The following ADAMTS6 variants were observed in gnomAD, a reference collection of about 807,000 sequenced individuals.
The protein encoded by ADAMTS6 is A disintegrin and metalloproteinase with thrombospondin motifs 6.
A neutral mutation model predicts 144.3 loss-of-function variants in ADAMTS6; 23 were observed. That is an observed-to-expected ratio of 0.16 (90% confidence interval 0.11 to 0.23). The LOEUF (loss-of-function observed/expected upper bound fraction) is 0.23, where lower values mean the gene tolerates loss of function less well. Among genes scored for constraint, ADAMTS6 ranks in the 10% least tolerant of loss-of-function variants. The pLI, the probability that ADAMTS6 is intolerant of heterozygous loss-of-function variation, is 1.00. For missense variants in ADAMTS6, 999 were observed against 1,379.6 expected, an observed-to-expected ratio of 0.72 and a Z score of 4.37; for synonymous variants, 444 against 457.5, an observed-to-expected ratio of 0.97 and a Z score of 0.38.
intron 7 of ADAMTS6, among the ~76,000 whole-genome samples, chr5:65,351,130 C>T (rs991379822): frequency 4.6e-5 from 7 of 152,254 alleles, no homozygotes; most frequent in East Asian, 1.9e-4. Flanking sequence ...GCTTTGATGG[C>T]GCCATATTTC....
rs138143934 is a variant in ADAMTS6, at chr5:65,329,130, G to A, written c.1223+248C>T. 1.6e-4 allele frequency among the ~76,000 whole-genome samples: 24 copies of A among 152,178 alleles called. 2 individuals are homozygous for A. Among genetic ancestry groups the A allele is most frequent in the African/African-American group, 5.8e-4 (24 of 41,526 alleles). On this transcript the variant is annotated intron_variant, in intron 9 of 24. Transcript: ENST00000381055. Reference sequence around the variant, plus strand: ...TTTATAAGGAAACAGGTATTGAGGAGACTGAACAAAAACTTAAATGTGGTG... The same window carrying A: ...TTTATAAGGAAACAGGTATTGAGGAAACTGAACAAAAACTTAAATGTGGTG...
intron 7 of ADAMTS6, among the ~76,000 whole-genome samples, chr5:65,335,826 C>A (rs1486479736): frequency 1.3e-5 from 2 of 151,756 alleles, no homozygotes; most frequent in East Asian, 1.9e-4. Flanking sequence ...ATTGCCATAA[C>A]CTACTTAAAA....
At chr5:65,396,381 T>A (rs1222503243) in intron 7 of ADAMTS6, among the ~76,000 whole-genome samples, 1 of 152,196 alleles carries the variant, frequency 6.6e-6, no homozygotes, top group Non-Finnish European at 1.5e-5. Flanking sequence ...GGATTTCAAA[T>A]GTCTTGATTA....
intron 21 of ADAMTS6, among the ~76,000 whole-genome samples, chr5:65,192,992 C>T (rs1755108855): frequency 6.6e-6 from 1 of 151,802 alleles, no homozygotes; most frequent in Non-Finnish European, 1.5e-5. Context: ...TGAAAAAATA[C>T]TTTCTGATAA....
intron 10 of ADAMTS6, among the ~76,000 whole-genome samples, chr5:65,292,099 G>A (rs965834168): frequency 8.5e-4 from 129 of 152,114 alleles, no homozygotes; most frequent in African/African-American, 3.0e-3. Flanking sequence ...TCTCTTCTTT[G>A]TATAATTTCT....
intron 20 of ADAMTS6, among the ~76,000 whole-genome samples, chr5:65,203,113 A>C (rs1755847280): frequency 6.6e-6 from 1 of 152,202 alleles, no homozygotes; most frequent in Non-Finnish European, 1.5e-5. Flanking sequence ...CAAGTGCCTA[A>C]GTTTGTACCA....
intron 7 of ADAMTS6, among the ~76,000 whole-genome samples, chr5:65,418,140 A>G (rs1755695600): frequency 6.6e-6 from 1 of 152,162 alleles, no homozygotes; most frequent in African/African-American, 2.4e-5. Context: ...TATTCAATAA[A>G]TGGTGCTAGG....
At chr5:65,248,321 C>CAA (rs543399277) in intron 14 of ADAMTS6, among the ~76,000 whole-genome samples, 23 of 152,056 alleles carry the variant, frequency 1.5e-4, no homozygotes, top group African/African-American at 5.1e-4. Flanking sequence ...ACTTTTAAAG[C>CAA]AAAAGAAAAC....
chr5:65,214,672 G>C lies in ADAMTS6; in HGVS notation c.2575+122C>G. On this transcript the variant is annotated intron_variant, in intron 20 of 24. Coordinates refer to ENST00000381055, the MANE Select transcript of ADAMTS6 (RefSeq NM_197941.4). The surrounding 1 kb of genome is among the most constrained non-coding windows in gnomAD (Gnocchi z 4.6). ...GCAAAGTTTCTTTTGCTAAATTACA[G>C]CTTGAAGCAAACCTGCAAGAAATGT... The C allele has an allele frequency of 7.0e-7, 1 of 1,437,572 alleles. No individual in the cohort carries two copies. The allele number at this position is 1,437,572 out of a possible 1,614,324, so 89.1% of individuals were successfully genotyped here.
At position 65,215,207 on chromosome 5, in the gene ADAMTS6, T is replaced by C. The variant is rs1455296240; in HGVS notation, c.2436+117A>G. The C allele has an allele frequency of 4.7e-6, 6 of 1,265,532 alleles. 1 individual carries two copies. In the South Asian group the frequency reaches 5.9e-5, roughly 13 times the overall value. 78.4% of individuals were successfully genotyped at this position (1,265,532 alleles called of 1,614,324 possible). A position where few individuals can be genotyped will look rare whatever the true frequency, so the allele number is the denominator to read the frequency against. ...TCTAACACCCTTGGGTAAATCATTT[T>C]ATCTTTATTTACCTTAATTTCATCA... is the stretch of plus-strand genomic sequence containing the variant. On this transcript the variant is annotated intron_variant, in intron 19 of 24. Coordinates refer to ENST00000381055, the MANE Select transcript of ADAMTS6 (RefSeq NM_197941.4).
intron 18 of ADAMTS6, 86 bp from the exon 19 acceptor site, chr5:65,215,573 A>G: frequency 1.7e-6 from 2 of 1,148,636 alleles, no homozygotes; most frequent in Middle Eastern, 2.3e-4. Flanking sequence ...AAAGTATACA[A>G]TGAATACCGA....
At chr5:65,157,571 T>C (rs534593649) in intron 24 of ADAMTS6, among the ~76,000 whole-genome samples, 9 of 152,330 alleles carry the variant, frequency 5.9e-5, no homozygotes, top group South Asian at 4.1e-4. Flanking sequence ...AAACTCCTTA[T>C]GTGGTTCAGA....
chr5:65,344,745 CCT>C (rs1439875886), intron 7 of ADAMTS6, among the ~76,000 whole-genome samples: 4 of 151,762 alleles, frequency 2.6e-5, no homozygotes, highest in African/African-American at 9.7e-5. Context: ...TCCACTCTGT[CCT>C]CTCTTTTCAG....
chr5:65,316,613 A>G (rs1410973826), intron 9 of ADAMTS6, among the ~76,000 whole-genome samples: 1 of 152,210 alleles, frequency 6.6e-6, no homozygotes, highest in African/African-American at 2.4e-5. Context: ...TTAAATATAA[A>G]GATGTATGAA....
chr5:65,332,452 C>G (rs1179032656), intron 8 of ADAMTS6, among the ~76,000 whole-genome samples: 2 of 151,574 alleles, frequency 1.3e-5, no homozygotes, highest in Non-Finnish European at 2.9e-5. Context: ...GGTCTAGTGT[C>G]TATTATATCT....
At chr5:65,350,655 G>A (rs573018272) in intron 7 of ADAMTS6, among the ~76,000 whole-genome samples, 1 of 151,894 alleles carries the variant, frequency 6.6e-6, no homozygotes, top group Non-Finnish European at 1.5e-5. Context: ...TAACATTTTT[G>A]GGGGCGTGAG....
At chr5:65,191,145 C>T (rs923655663) in intron 21 of ADAMTS6, among the ~76,000 whole-genome samples, 3 of 152,038 alleles carry the variant, frequency 2.0e-5, no homozygotes, top group Non-Finnish European at 4.4e-5. Flanking sequence ...TTTCCCAATA[C>T]ACAAATTGTC....
At chr5:65,269,951 G>A (rs974990775) in intron 12 of ADAMTS6, among the ~76,000 whole-genome samples, 2 of 151,938 alleles carry the variant, frequency 1.3e-5, no homozygotes, top group African/African-American at 4.8e-5. Context: ...CTGCCACCAT[G>A]CCCGGCTAAT....
chr5:65,359,131 T>C (rs746727062), intron 7 of ADAMTS6, among the ~76,000 whole-genome samples: 1 of 152,038 alleles, frequency 6.6e-6, no homozygotes, highest in Non-Finnish European at 1.5e-5. Flanking sequence ...ATATATTTCA[T>C]CGGGGTTAAT....
Sources: gnomAD v4.1 joint callset for allele counts (sites outside exome capture counted in the v4.1 genomes callset) on GRCh38, gnomAD v4.1.1 for gene constraint, Gnocchi (gnomAD v3.1) non-coding constraint, MANE v1.5 for transcripts, NCBI Gene and HGNC (gene_info 2026-07-23, HGNC 2026-07-21) for gene names.